Variants in ARHGAP39 observed in about 807,000 individuals in gnomAD.
ARHGAP39 encodes Rho GTPase activating protein 39.
In ARHGAP39, 44 loss-of-function variants were observed where a neutral mutation model predicts 106.9. That is an observed-to-expected ratio of 0.41 (90% CI 0.32 to 0.53). The LOEUF (loss-of-function observed/expected upper bound fraction) is 0.53. Among genes scored for constraint, ARHGAP39 ranks in the 20% least tolerant of loss-of-function variants. The pLI, the probability that ARHGAP39 is intolerant of heterozygous loss-of-function variation, is 0.21. For synonymous variants in ARHGAP39, 768 were observed against 693.2 expected (o/e 1.11, Z -1.69); for missense variants, 1,496 against 1,577.3 (o/e 0.95, Z 0.87).
chr8:144,660,881 C>A (rs1441830460), intron 1 of ARHGAP39, among the ~76,000 whole-genome samples: 1 of 151,898 alleles, frequency 6.6e-6, no homozygotes, highest in African/African-American at 2.4e-5. Context: ...CTACTCGGGA[C>A]GCTGAGGCAG....
At position 144,533,350 on chromosome 8, in the gene ARHGAP39, G is replaced by A. The variant is rs1164562033; in HGVS notation, c.2689-25C>T. 4.4e-6 allele frequency: 7 copies of A among 1,602,736 alleles called. No individual in the cohort carries two copies. In the South Asian group the frequency reaches 6.6e-5, roughly 15 times the overall value. On this transcript the variant is annotated intron_variant, in intron 8 of 11. Coordinates refer to ENST00000377307, the MANE Select transcript of ARHGAP39 (RefSeq NM_025251.3). ...CCTGTGAAGACAGAGGCTCCGTCCTGGTCTGGCCTGGCCATCCTCAGGACC... is the reference window on the plus strand; with the variant it reads ...CCTGTGAAGACAGAGGCTCCGTCCTAGTCTGGCCTGGCCATCCTCAGGACC...
In ARHGAP39 at chr8:144,547,048, C is replaced by T. The variant is rs1586888339; in HGVS notation, c.1959+79G>A. 6.9e-7 allele frequency: 1 copy of T among 1,447,934 alleles called. No homozygotes were observed. Among genetic ancestry groups the T allele is most frequent in the Non-Finnish European group, 9.1e-7 (1 of 1,094,690 alleles). 89.7% of individuals were successfully genotyped at this position (1,447,934 alleles called of 1,614,324 possible). The stretch of plus-strand genomic sequence containing the variant: ...GTGCACGCCCTGGACGCCAGGTCTC[C>T]TGTGCCTGGCCCACGGGGTCCACTC... On this transcript the variant is annotated intron_variant, in intron 5 of 11. Coordinates refer to ENST00000377307, the MANE Select transcript of ARHGAP39 (RefSeq NM_025251.3). The surrounding 1 kb of genome is among the most constrained non-coding windows in gnomAD (Gnocchi z 5.2).
Position 144,580,758 on chromosome 8 carries a change from G to GGGGGGGGGCCCCCCCC in ARHGAP39, c.512+87_512+88insGGGGGGGGCCCCCCCC. On this transcript the variant is annotated intron_variant, in intron 3 of 11. Coordinates refer to ENST00000377307, the MANE Select transcript of ARHGAP39 (RefSeq NM_025251.3). ...CCTTCACCAGTCCCGCTCTCACCTGGCCCCGCCCACCACCCCCTACCTGCC... is the reference window on the plus strand; with the variant it reads ...CCTTCACCAGTCCCGCTCTCACCTGGGGGGGGGGCCCCCCCCCCCCGCCCACCACCCCCTACCTGCC... 1.1e-5 allele frequency: 2 copies of GGGGGGGGGCCCCCCCC among 185,576 alleles called. 1 individual carries two copies. Among genetic ancestry groups the GGGGGGGGGCCCCCCCC allele is most frequent in the Non-Finnish European group, 2.1e-5 (2 of 93,152 alleles). The allele number at this position is 185,576 out of a possible 1,614,324, so 11.5% of individuals were successfully genotyped here.
At chr8:144,660,997 G>A (rs1460504203) in intron 1 of ARHGAP39, among the ~76,000 whole-genome samples, 1 of 152,004 alleles carries the variant, frequency 6.6e-6, no homozygotes. Flanking sequence ...AAAAAAAATA[G>A]GCATGGTGGC....
At chr8:144,570,459 C>A (rs560251920) in intron 3 of ARHGAP39, among the ~76,000 whole-genome samples, 1 of 152,234 alleles carries the variant, frequency 6.6e-6, no homozygotes, top group East Asian at 1.9e-4. Flanking sequence ...GAAACAATGG[C>A]ACCACAAACT....
At chr8:144,583,290 T>G (rs1819066983) in intron 2 of ARHGAP39, among the ~76,000 whole-genome samples, 1 of 152,236 alleles carries the variant, frequency 6.6e-6, no homozygotes, top group African/African-American at 2.4e-5. Context: ...GTTTTAACTT[T>G]TTGTTTTATA....
chr8:144,540,289 G>A (rs1047561274), intron 6 of ARHGAP39, among the ~76,000 whole-genome samples: 2 of 152,172 alleles, frequency 1.3e-5, no homozygotes, highest in African/African-American at 4.8e-5. Context: ...CTAGCTACTC[G>A]AGATGTTGAG....
intron 2 of ARHGAP39, among the ~76,000 whole-genome samples, chr8:144,592,844 C>T (rs564860621): frequency 3.9e-5 from 6 of 152,162 alleles, no homozygotes; most frequent in Non-Finnish European, 8.8e-5. Context: ...AGGACGGAGG[C>T]GTACAGCTGC....
the ARHGAP39 span, among the ~76,000 whole-genome samples, chr8:144,693,839 T>A: frequency 2.6e-5 from 4 of 152,072 alleles, no homozygotes; most frequent in African/African-American, 9.7e-5. Context: ...ATTTAGAAAG[T>A]TTGTGGGAAA....
intron 3 of ARHGAP39, among the ~76,000 whole-genome samples, chr8:144,574,200 G>A (rs1818688145): frequency 6.6e-6 from 1 of 150,890 alleles, no homozygotes; most frequent in Non-Finnish European, 1.5e-5. Context: ...GGAGGAGGAG[G>A]AGGGGGAAGA....
rs200932768 is a variant in ARHGAP39 at position 144,553,926 on chromosome 8, G to A, written c.596+1634C>T. Among the ~76,000 whole-genome samples the A allele has an allele frequency of 3.5e-4, 54 of 152,378 alleles. No homozygotes were observed. In the East Asian group the frequency reaches 8.1e-3, roughly 23 times the overall value. On this transcript the variant is annotated intron_variant, in intron 4 of 11. Coordinates refer to ENST00000377307, the MANE Select transcript of ARHGAP39 (RefSeq NM_025251.3). The stretch of plus-strand genomic sequence containing the variant: ...GAGCCCAATGCCCCACACAGAGCTC[G>A]ATGTGGGCTGTCGCCTCCCAGCCAT...
chr8:144,675,432 C>G (rs780774932), intron 1 of ARHGAP39, among the ~76,000 whole-genome samples: 1 of 152,152 alleles, frequency 6.6e-6, no homozygotes, highest in African/African-American at 2.4e-5. Context: ...ATGGTGTGTC[C>G]GGAGTTTGTT....
intron 4 of ARHGAP39, among the ~76,000 whole-genome samples, chr8:144,549,504 G>GT (rs1400244755): frequency 1.3e-5 from 2 of 151,944 alleles, no homozygotes; most frequent in Non-Finnish European, 2.9e-5. Flanking sequence ...GTTTTGTTTT[G>GT]TTTTTTTGAG....
At chr8:144,569,354 G>A (rs1386282501) in intron 3 of ARHGAP39, among the ~76,000 whole-genome samples, 2 of 152,178 alleles carry the variant, frequency 1.3e-5, no homozygotes, top group East Asian at 3.9e-4. Flanking sequence ...GTACATGAAT[G>A]TTCATAGCAG....
intron 1 of ARHGAP39, among the ~76,000 whole-genome samples, chr8:144,616,045 C>T (rs773907039): frequency 5.9e-5 from 9 of 152,348 alleles, no homozygotes; most frequent in East Asian, 5.8e-4. Context: ...ACACCCCACA[C>T]GGAAAGGACG....
At chr8:144,593,767 G>A (rs1021200132) in intron 2 of ARHGAP39, among the ~76,000 whole-genome samples, 2 of 152,034 alleles carry the variant, frequency 1.3e-5, no homozygotes, top group Non-Finnish European at 2.9e-5. Context: ...TCCCGTCTGC[G>A]CAACAGAGTG....
intron 1 of ARHGAP39, among the ~76,000 whole-genome samples, chr8:144,639,388 A>G (rs1275662958): frequency 6.6e-6 from 1 of 152,040 alleles, no homozygotes; most frequent in Non-Finnish European, 1.5e-5. Flanking sequence ...GAATTAATTT[A>G]AATTTCATTT....
chr8:144,572,105 T>C (rs1818607607), intron 3 of ARHGAP39, among the ~76,000 whole-genome samples: 1 of 152,228 alleles, frequency 6.6e-6, no homozygotes, highest in Admixed American at 6.5e-5. Flanking sequence ...ATGACTTTCT[T>C]CACAGAATTG....
intron 3 of ARHGAP39, among the ~76,000 whole-genome samples, chr8:144,566,861 A>C (rs1486086558): frequency 6.8e-6 from 1 of 147,662 alleles, no homozygotes; most frequent in Non-Finnish European, 1.5e-5. Context: ...TCTCAAAAAA[A>C]GAAAAAAAAA....
Sources: allele counts gnomAD v4.1 joint callset (sites outside exome capture counted in the v4.1 genomes callset), GRCh38; gene constraint gnomAD v4.1.1; non-coding constraint Gnocchi (gnomAD v3.1); transcripts MANE v1.5; gene names NCBI Gene and HGNC (gene_info 2026-07-23, HGNC 2026-07-21).